Variants in STK3 observed in about 807,000 individuals in gnomAD.
STK3 encodes the protein serine/threonine kinase 3, also known as serine/threonine-protein kinase 3.
STK3 carries 41 observed loss-of-function variants against 58.0 expected under a neutral mutation model. That is an observed-to-expected ratio of 0.71 (90% CI 0.55 to 0.92). STK3 has a LOEUF of 0.92. Ranked by LOEUF, STK3 falls within the 40% of genes least tolerant of loss-of-function variation. The pLI is 0.00. For missense variants in STK3, 479 were observed against 602.7 expected (o/e 0.79, Z 2.15); for synonymous variants, 170 against 191.0 (o/e 0.89, Z 0.91).
intron 10 of STK3, among the ~76,000 whole-genome samples, chr8:98,476,999 C>G (rs1345048882): frequency 6.6e-6 from 1 of 152,162 alleles, no homozygotes; most frequent in East Asian, 1.9e-4. Flanking sequence ...AAATGAAATT[C>G]CCGTGTGAAA....
chr8:98,711,905 A>G (rs1302981031), intron 4 of STK3, among the ~76,000 whole-genome samples: 1 of 152,350 alleles, frequency 6.6e-6, no homozygotes, highest in African/African-American at 2.4e-5. Context: ...TTACCCACAA[A>G]GGGAAGCCCA....
chr8:98,889,655 A>G (rs932049715), intron 1 of STK3: 2 of 152,122 alleles, frequency 1.3e-5, no homozygotes, highest in East Asian at 1.9e-4. Flanking sequence ...CAAGGGTCCA[A>G]TGTTTTTTTA....
chr8:98,870,583 C>T (rs1019662849), intron 3 of STK3, among the ~76,000 whole-genome samples: 6 of 152,234 alleles, frequency 3.9e-5, no homozygotes, highest in African/African-American at 1.4e-4. Context: ...TTGCATTTCT[C>T]TAATGGCCAG....
chr8:98,429,384 G>A, intron 3 of STK3: 1 of 1,613,436 alleles, frequency 6.2e-7, no homozygotes, highest in Non-Finnish European at 8.5e-7. Flanking sequence ...CTCACCAAGT[G>A]AACTCAGTTT....
intron 3 of STK3, among the ~76,000 whole-genome samples, chr8:98,424,154 C>G (rs528838329): frequency 3.3e-5 from 5 of 152,384 alleles, no homozygotes; most frequent in African/African-American, 9.6e-5. Flanking sequence ...GTCACATACA[C>G]TTAACCTCTG....
chr8:98,841,718 A>T (rs1015588699), intron 3 of STK3, among the ~76,000 whole-genome samples: 1 of 151,226 alleles, frequency 6.6e-6, no homozygotes, highest in African/African-American at 2.4e-5. Context: ...AAATGTAAAA[A>T]ATAAAAATAA....
chr8:98,363,553 A>C, the STK3 span, among the ~76,000 whole-genome samples: 1 of 152,178 alleles, frequency 6.6e-6, no homozygotes, highest in Non-Finnish European at 1.5e-5. Flanking sequence ...AACAATCACT[A>C]AGTACCAGAT....
At chr8:98,755,472 A>G (rs1830228902) in intron 3 of STK3, among the ~76,000 whole-genome samples, 1 of 152,264 alleles carries the variant, frequency 6.6e-6, no homozygotes, top group African/African-American at 2.4e-5. Flanking sequence ...ATATGAAGGA[A>G]TGGAATGCAT....
chr8:98,609,527 C>T (rs562832532), intron 6 of STK3, among the ~76,000 whole-genome samples: 2 of 151,746 alleles, frequency 1.3e-5, no homozygotes, highest in South Asian at 2.1e-4. Context: ...TAAGACTATG[C>T]GGAAAAAATA....
intron 1 of STK3, among the ~76,000 whole-genome samples, chr8:98,798,898 C>A (rs1334441417): frequency 6.6e-6 from 1 of 152,210 alleles, no homozygotes; most frequent in African/African-American, 2.4e-5. Flanking sequence ...GATTTCACCC[C>A]TGTCCTTTCA....
the STK3 span, among the ~76,000 whole-genome samples, chr8:98,344,152 C>G: frequency 1.3e-5 from 2 of 152,124 alleles, no homozygotes; most frequent in Non-Finnish European, 2.9e-5. Flanking sequence ...ACTCCAGAAC[C>G]ATAAAAACCA....
chr8:98,700,658 T>G (rs999997689), intron 6 of STK3, among the ~76,000 whole-genome samples: 7 of 152,236 alleles, frequency 4.6e-5, no homozygotes, highest in African/African-American at 1.7e-4. Flanking sequence ...ATACACTATT[T>G]ATTTACACAT....
intron 1 of STK3, among the ~76,000 whole-genome samples, chr8:98,793,180 A>G (rs1268344269): frequency 1.3e-5 from 2 of 152,134 alleles, no homozygotes; most frequent in African/African-American, 4.8e-5. Context: ...TCAGGGGGAA[A>G]GGGTGGGAAG....
At chr8:98,649,696 A>G (rs1820720992) in intron 6 of STK3, among the ~76,000 whole-genome samples, 1 of 152,196 alleles carries the variant, frequency 6.6e-6, no homozygotes, top group Non-Finnish European at 1.5e-5. Context: ...TAATTTTCTT[A>G]GTCAACAAGT....
intron 6 of STK3, among the ~76,000 whole-genome samples, chr8:98,619,035 G>A (rs1818023399): frequency 6.7e-6 from 1 of 148,534 alleles, no homozygotes; most frequent in Non-Finnish European, 1.5e-5. Flanking sequence ...GAACAAAGCT[G>A]GAGGCATCAC....
intron 3 of STK3, among the ~76,000 whole-genome samples, chr8:98,854,835 C>G (rs1836608943): frequency 6.6e-6 from 1 of 152,106 alleles, no homozygotes; most frequent in South Asian, 2.1e-4. Context: ...GTGGGCAGAT[C>G]ACTTTGAGGT....
intron 1 of STK3, among the ~76,000 whole-genome samples, chr8:98,808,102 A>T (rs990108270): frequency 2.0e-5 from 3 of 152,264 alleles, no homozygotes; most frequent in Non-Finnish European, 4.4e-5. Flanking sequence ...GTCGTGTGAC[A>T]GAAGCAAAAA....
At chr8:98,710,301 A>C (rs1826297444) in intron 4 of STK3, among the ~76,000 whole-genome samples, 1 of 152,170 alleles carries the variant, frequency 6.6e-6, no homozygotes, top group South Asian at 2.1e-4. Flanking sequence ...GGTGCAAGAC[A>C]GTGGGTACAG....
chr8:98,923,863 G>GCA (rs1215024858), intron 1 of STK3, among the ~76,000 whole-genome samples: 5 of 93,838 alleles, frequency 5.3e-5, no homozygotes, highest in Admixed American at 2.2e-4. Context: ...GTGCGCGCGC[G>GCA]CGCGCGCGCG....
Sources: allele counts gnomAD v4.1 joint callset (sites outside exome capture counted in the v4.1 genomes callset), GRCh38; gene constraint gnomAD v4.1.1; transcripts MANE v1.5; gene names NCBI Gene and HGNC (gene_info 2026-07-23, HGNC 2026-07-21).